Variants in PCDHGB2 observed in about 807,000 individuals in gnomAD.
PCDHGB2 encodes protocadherin gamma subfamily B, 2, also known as protocadherin gamma-B2.
PCDHGB2 carries 55 observed loss-of-function variants against 59.3 expected under a neutral mutation model. The observed-to-expected ratio is 0.93, with a 90% confidence interval of 0.75 to 1.16. The LOEUF (loss-of-function observed/expected upper bound fraction) is 1.16, where lower values mean the gene tolerates loss of function less well. Among genes scored for constraint, PCDHGB2 ranks in the 50% most tolerant of loss-of-function variants. The pLI is 0.00. For synonymous variants in PCDHGB2, 516 were observed against 512.0 expected (o/e 1.01, Z -0.11); for missense variants, 1,228 against 1,198.5 (o/e 1.02, Z -0.36).
chr5:141,371,426 C>G, intron 1 of PCDHGB2: 1 of 1,613,892 alleles, frequency 6.2e-7, no homozygotes, highest in Non-Finnish European at 8.5e-7. Flanking sequence ...ATGACAATGC[C>G]CCGGAGATAA....
chr5:141,504,206 A>C (rs1209911822), intron 2 of PCDHGB2, among the ~76,000 whole-genome samples: 1 of 152,218 alleles, frequency 6.6e-6, no homozygotes, highest in East Asian at 1.9e-4. Context: ...CTGTGGGAAA[A>C]TTCCAAGTAG....
At chr5:141,465,757 T>C (rs2099108578) in intron 1 of PCDHGB2, among the ~76,000 whole-genome samples, 1 of 152,046 alleles carries the variant, frequency 6.6e-6, no homozygotes, top group South Asian at 2.1e-4. Context: ...ACTGGTAAAG[T>C]CATGTTTCAT....
chr5:141,417,572 G>T, intron 1 of PCDHGB2: 1 of 376,228 alleles, frequency 2.7e-6, no homozygotes, highest in East Asian at 4.1e-5. Flanking sequence ...AAGTCAAGTT[G>T]CAGTCCCACA....
intron 1 of PCDHGB2, chr5:141,441,346 G>A (rs1265971154): frequency 2.0e-5 from 3 of 152,340 alleles, no homozygotes; most frequent in African/African-American, 7.2e-5. Context: ...TTAACTACAT[G>A]CTTGTAACAA....
rs139211149 is a variant in PCDHGB2, at chr5:141,426,067, G to A, written c.2421+63511G>A. Among the ~76,000 whole-genome samples, 5 of 152,328 alleles carry A rather than the reference G, an allele frequency of 3.3e-5. No individual in the cohort carries two copies. The East Asian group carries it at 9.6e-4, about 29-fold the overall frequency. On this transcript the variant is annotated intron_variant, in intron 1 of 3. Coordinates refer to ENST00000522605, the MANE Select transcript of PCDHGB2 (RefSeq NM_018923.3). Reference sequence around the variant, plus strand: ...TGGCCAATGTGCTGCAAGAACTGGAGCCTGGGATCTACCAGGACGATATTC... The same window carrying A: ...TGGCCAATGTGCTGCAAGAACTGGAACCTGGGATCTACCAGGACGATATTC...
chr5:141,389,834 A>G, intron 1 of PCDHGB2: 2 of 1,613,988 alleles, frequency 1.2e-6, no homozygotes, highest in Non-Finnish European at 1.7e-6. Context: ...GTGGACAGCC[A>G]CCACTCTCGG....
At chr5:141,402,799 C>G in intron 1 of PCDHGB2, 1 of 1,061,846 alleles carries the variant, frequency 9.4e-7, no homozygotes, top group Non-Finnish European at 1.3e-6. Flanking sequence ...TACACAAAAC[C>G]CGGCAGATAC....
intron 1 of PCDHGB2, among the ~76,000 whole-genome samples, chr5:141,467,404 C>T (rs1032912609): frequency 1.3e-5 from 2 of 151,864 alleles, no homozygotes; most frequent in African/African-American, 4.8e-5. Context: ...AGTTAGAAAG[C>T]CTTTCCCCAC....
At chr5:141,385,413 G>T in intron 1 of PCDHGB2, 1 of 1,472,024 alleles carries the variant, frequency 6.8e-7, no homozygotes, top group South Asian at 1.5e-5. Context: ...TGAAAATAGG[G>T]ATTTAAAAAA....
chr5:141,373,373 C>T (rs1171696467), intron 1 of PCDHGB2, among the ~76,000 whole-genome samples: 1 of 152,142 alleles, frequency 6.6e-6, no homozygotes, highest in East Asian at 1.9e-4. Flanking sequence ...TGAATTGGTT[C>T]AAAATGTGTT....
intron 1 of PCDHGB2, among the ~76,000 whole-genome samples, chr5:141,468,738 T>C (rs965510711): frequency 3.0e-4 from 46 of 151,958 alleles, no homozygotes; most frequent in South Asian, 2.1e-3. Flanking sequence ...TGGTGGCGGG[T>C]GCCTGTAGTC....
intron 1 of PCDHGB2, among the ~76,000 whole-genome samples, chr5:141,373,147 T>C (rs1769357441): frequency 6.6e-6 from 1 of 152,270 alleles, no homozygotes; most frequent in African/African-American, 2.4e-5. Flanking sequence ...TTAAGTGGTT[T>C]ACTTAGTTTT....
At chr5:141,433,004 T>G (rs368646186) in intron 1 of PCDHGB2, 48 of 1,614,028 alleles carry the variant, frequency 3.0e-5, no homozygotes, top group Non-Finnish European at 3.4e-5. Context: ...GGTGCAGGCT[T>G]TCCTGCAGAC....
chr5:141,378,077 T>A (rs955421264), intron 1 of PCDHGB2: 1 of 152,136 alleles, frequency 6.6e-6, no homozygotes, highest in Non-Finnish European at 1.5e-5. Flanking sequence ...AGAAAATAAT[T>A]TTATAACTTT....
intron 1 of PCDHGB2, chr5:141,375,618 G>A (rs1771662447): frequency 6.2e-7 from 1 of 1,614,078 alleles, no homozygotes; most frequent in Non-Finnish European, 8.5e-7. Context: ...TCCGACACTG[G>A]GATTCTGTAC....
chr5:141,409,546 C>T lies in PCDHGB2; in HGVS notation c.2421+46990C>T, dbSNP rs775680397. 19 of 1,613,880 alleles carry T rather than the reference C, an allele frequency of 1.2e-5. No individual in the cohort carries two copies. The South Asian group carries it at 2.0e-4, about 17-fold the overall frequency. ...TGTATGTCGCTGACATCAACGACAA[C>T]GCCCCAGTTTTCGACCAGACGTCCT... On this transcript the variant is annotated intron_variant, in intron 1 of 3. Coordinates refer to ENST00000522605, the MANE Select transcript of PCDHGB2 (RefSeq NM_018923.3).
In PCDHGB2 at chr5:141,486,708, C is replaced by A; in HGVS notation, c.2422-8099C>A. On this transcript the variant is annotated intron_variant, in intron 1 of 3. Transcript: ENST00000522605. The surrounding 1 kb of genome is among the most constrained non-coding windows in gnomAD (Gnocchi z 5.0). ...GCTTCCTCTTTCATCTCTCTGAACC[C>A]CCAGACAGGAGCTGTTCATGCTACT... is the stretch of plus-strand genomic sequence containing the variant. 6.2e-7 allele frequency: 1 copy of A among 1,614,180 alleles called. No individual in the cohort carries two copies. Among genetic ancestry groups the A allele is most frequent in the South Asian group, 1.1e-5 (1 of 91,084 alleles).
At chr5:141,461,738 C>A (rs2099021378) in intron 1 of PCDHGB2, among the ~76,000 whole-genome samples, 1 of 150,904 alleles carries the variant, frequency 6.6e-6, no homozygotes. Flanking sequence ...TGGCACAATC[C>A]CGGCTCCCAG....
At chr5:141,418,373 C>T (rs936895178) in intron 1 of PCDHGB2, 1 of 1,614,006 alleles carries the variant, frequency 6.2e-7, no homozygotes, top group Non-Finnish European at 8.5e-7. Context: ...CAAATACCAA[C>T]TAAGTCCTAA....
Sources: allele counts gnomAD v4.1 joint callset (sites outside exome capture counted in the v4.1 genomes callset), GRCh38; gene constraint gnomAD v4.1.1; non-coding constraint Gnocchi (gnomAD v3.1); transcripts MANE v1.5; gene names NCBI Gene and HGNC (gene_info 2026-07-23, HGNC 2026-07-21).